Variants in ASB18 observed in about 807,000 individuals in gnomAD.
ASB18 encodes the protein ankyrin repeat and SOCS box protein 18.
ASB18 carries 33 observed loss-of-function variants against 33.4 expected under a neutral mutation model. The ratio of observed to expected loss-of-function variants is 0.99; its 90% CI spans 0.75 to 1.32. The LOEUF (loss-of-function observed/expected upper bound fraction) is 1.32. ASB18 is among the 40% of genes most tolerant of loss of function. The pLI, the probability that ASB18 is intolerant of heterozygous loss-of-function variation, is 0.00. For synonymous variants in ASB18, 295 were observed against 307.6 expected (o/e 0.96, Z 0.43); for missense variants, 694 against 655.5 (o/e 1.06, Z -0.64).
Position 236,239,873 on chromosome 2 carries a change from C to G in ASB18, c.328+1407G>C, listed in dbSNP as rs2060613365. On this transcript the variant is annotated intron_variant, in intron 2 of 5. Coordinates refer to ENST00000409749, the MANE Select transcript of ASB18 (RefSeq NM_212556.4). The surrounding 1 kb of genome is among the most constrained non-coding windows in gnomAD (Gnocchi z 5.6). ...AGTCAGGTGTCTGTGCCGGAGGAGG[C>G]TGGAATCCAGGCAGCCTGAGCTTGC... Among the ~76,000 whole-genome samples the G allele has an allele frequency of 6.6e-6, 1 of 152,222 alleles. No homozygotes were observed.
At position 236,221,766 on chromosome 2, in the gene ASB18, T is replaced by A. The variant is rs940881314; in HGVS notation, c.597-6900A>T. Among the ~76,000 whole-genome samples the A allele has an allele frequency of 6.6e-6, 1 of 152,214 alleles. No homozygotes were observed. The highest frequency in any genetic ancestry group is 1.5e-5 in the Non-Finnish European group (1 of 68,044). ...CCTGTTCTCCTTATGTGACTGCTCC[T>A]GGAATCCCTTCTGACAGACAGAAGG... On this transcript the variant is annotated intron_variant, in intron 3 of 5. Transcript: ENST00000409749. This position sits in a 1 kb window ranked among gnomAD's most constrained non-coding sequence, Gnocchi z 5.6.
intron 1 of ASB18, among the ~76,000 whole-genome samples, chr2:236,258,700 A>G (rs1163199242): frequency 2.6e-5 from 4 of 152,154 alleles, no homozygotes; most frequent in Non-Finnish European, 5.9e-5. Context: ...TAATTCTGCA[A>G]ATGGACCCCA....
chr2:236,254,975 C>T (rs926706639), intron 1 of ASB18, among the ~76,000 whole-genome samples: 5 of 151,938 alleles, frequency 3.3e-5, no homozygotes, highest in Non-Finnish European at 7.4e-5. Flanking sequence ...GTGTAGCACT[C>T]GCGACCCCAC....
Position 236,214,823 on chromosome 2 carries a change from C to G in ASB18, c.640G>C (p.Val214Leu). The change falls in exon 4 of 6, where the codon GTG becomes CTG. Residue 214 changes from valine (V) to leucine (L), a missense_variant. Transcript: ENST00000409749. This position sits in a 1 kb window ranked among gnomAD's most constrained non-coding sequence, Gnocchi z 6.5. The stretch of plus-strand genomic sequence containing the variant: ...GGCGTGTCCCGGCCCGTGCCGCCCA[C>G]GCGCTGCACCGAGGCCCCGTGCTCC... ...LLEHGASVQRVGGTGRDTPLH... is the reference protein window; with the variant it reads ...LLEHGASVQRLGGTGRDTPLH... 2 of 1,213,498 alleles carry G rather than the reference C, an allele frequency of 1.6e-6. No homozygotes were observed. Among genetic ancestry groups the G allele is most frequent in the Middle Eastern group, 3.3e-4 (1 of 3,068 alleles). 75.2% of individuals were successfully genotyped at this position (1,213,498 alleles called of 1,614,324 possible). A position where few individuals can be genotyped will look rare whatever the true frequency, so the allele number is the denominator to read the frequency against.
chr2:236,197,597 G>A (rs765189356), intron 4 of ASB18, among the ~76,000 whole-genome samples: 8 of 152,160 alleles, frequency 5.3e-5, no homozygotes, highest in Non-Finnish European at 1.2e-4. Flanking sequence ...TGAGGCAGGC[G>A]GATCACCTGA....
rs928624639 is a variant in ASB18 at position 236,196,108 on chromosome 2, C to T, written c.1215+164G>A. On this transcript the variant is annotated intron_variant, in intron 5 of 5. Coordinates refer to ENST00000409749, the MANE Select transcript of ASB18 (RefSeq NM_212556.4). The surrounding 1 kb of genome is among the most constrained non-coding windows in gnomAD (Gnocchi z 5.6). ...AGCTCCTGGCTGTGTGATTATGGAG[C>T]CTCCAGAAAAAACCAGAAACGTGCA... is the stretch of plus-strand genomic sequence containing the variant. 1 of 658,530 alleles carries T rather than the reference C, an allele frequency of 1.5e-6. No individual in the cohort carries two copies. The highest frequency in any genetic ancestry group is 2.8e-6 in the Non-Finnish European group (1 of 354,506). 40.8% of individuals were successfully genotyped at this position (658,530 alleles called of 1,614,324 possible). A position where few individuals can be genotyped will look rare whatever the true frequency, so the allele number is the denominator to read the frequency against.
rs1162559336 is a variant in ASB18, at chr2:236,231,097, C to T, written c.596+6592G>A. ...CATGCTCTTCTCTCCTCTCCTTGAGCGTGGGCAGAACCTTTGATTTGCCGC... is the reference window on the plus strand; with the variant it reads ...CATGCTCTTCTCTCCTCTCCTTGAGTGTGGGCAGAACCTTTGATTTGCCGC... On this transcript the variant is annotated intron_variant, in intron 3 of 5. Coordinates refer to ENST00000409749, the MANE Select transcript of ASB18 (RefSeq NM_212556.4). The surrounding 1 kb of genome is among the most constrained non-coding windows in gnomAD (Gnocchi z 5.5). 8.5e-5 allele frequency among the ~76,000 whole-genome samples: 13 copies of T among 152,246 alleles called. No individual in the cohort carries two copies. The South Asian group carries it at 1.9e-3, about 22-fold the overall frequency.
rs2060424736 is a variant in ASB18 at position 236,204,709 on chromosome 2, CA to C, written c.1102-8325del. On this transcript the variant is annotated intron_variant, in intron 4 of 5. Transcript: ENST00000409749. The surrounding 1 kb of genome is among the most constrained non-coding windows in gnomAD (Gnocchi z 5.1). ...TGCCACCCATAACCTGCCCCATTCCCAAGTGATAGCAAACTCATTCTTGTAG... is the reference window on the plus strand; with the variant it reads ...TGCCACCCATAACCTGCCCCATTCCCAGTGATAGCAAACTCATTCTTGTAG... Among the ~76,000 whole-genome samples the C allele has an allele frequency of 6.6e-6, 1 of 152,030 alleles. No homozygotes were observed. The highest frequency in any genetic ancestry group is 2.1e-4 in the South Asian group (1 of 4,806).
At position 236,260,179 on chromosome 2, in the gene ASB18, C is replaced by T. The variant is rs1464302573; in HGVS notation, c.205+3962G>A. On this transcript the variant is annotated intron_variant, in intron 1 of 5. Coordinates refer to ENST00000409749, the MANE Select transcript of ASB18 (RefSeq NM_212556.4). This position sits in a 1 kb window ranked among gnomAD's most constrained non-coding sequence, Gnocchi z 5.1. ...TCACATTGTCATCTTTAGAATAAAA[C>T]TCAGAGTTCTGTCTACTGGGCTTGT... Among the ~76,000 whole-genome samples, 1 of 148,100 alleles carries T rather than the reference C, an allele frequency of 6.8e-6. No homozygotes were observed. Among genetic ancestry groups the T allele is most frequent in the Admixed American group, 6.6e-5 (1 of 15,124 alleles).
In ASB18 at chr2:236,214,506, C is replaced by T. The variant is rs1469367933; in HGVS notation, c.957G>A (p.Ala319=). ...AGGCCCCGCCATAGTCGAGCGCGCC[C>T]GCGTCGGCGCCGTGCCGCAGTAGGA... ...ARLLLRHGAD[A]GALDYGGASP... Residue 319 remains alanine (A), a synonymous_variant, in exon 4 of 6, where the codon GCG becomes GCA. Coordinates refer to ENST00000409749, the MANE Select transcript of ASB18 (RefSeq NM_212556.4). The surrounding 1 kb of genome is among the most constrained non-coding windows in gnomAD (Gnocchi z 6.5). The T allele has an allele frequency of 2.0e-6, 3 of 1,477,202 alleles. No homozygotes were observed. The Admixed American group carries it at 7.3e-5, about 36-fold the overall frequency. The allele number at this position is 1,477,202 out of a possible 1,614,324, so 91.5% of individuals were successfully genotyped here. A position where few individuals can be genotyped will look rare whatever the true frequency, so the allele number is the denominator to read the frequency against.
chr2:236,238,610 G>GGTGTGTGTGTGTGTGTGTGT lies in ASB18; in HGVS notation c.329-674_329-655dup, dbSNP rs149889496. Among the ~76,000 whole-genome samples, 120 of 150,378 alleles carry GGTGTGTGTGTGTGTGTGTGT rather than the reference G, an allele frequency of 8.0e-4. No individual in the cohort carries two copies. The highest frequency in any genetic ancestry group is 3.4e-3 in the Middle Eastern group (1 of 292). The stretch of plus-strand genomic sequence containing the variant: ...GGTTTGTTTCTTTGCGCTTTTTAGG[G>GGTGTGTGTGTGTGTGTGTGT]GTGTGTGTGTGTGTGTGTGTAGGGT... On this transcript the variant is annotated intron_variant, in intron 2 of 5. Coordinates refer to ENST00000409749, the MANE Select transcript of ASB18 (RefSeq NM_212556.4). The surrounding 1 kb of genome is among the most constrained non-coding windows in gnomAD (Gnocchi z 5.2).
At position 236,244,218 on chromosome 2, in the gene ASB18, G is replaced by C. The variant is rs193203801; in HGVS notation, c.206-2816C>G. Among the ~76,000 whole-genome samples the C allele has an allele frequency of 4.1e-3, 628 of 152,332 alleles. 3 individuals are homozygous for C. The highest frequency in any genetic ancestry group is 0.014 in the African/African-American group (568 of 41,582). On this transcript the variant is annotated intron_variant, in intron 1 of 5. Coordinates refer to ENST00000409749, the MANE Select transcript of ASB18 (RefSeq NM_212556.4). The surrounding 1 kb of genome is among the most constrained non-coding windows in gnomAD (Gnocchi z 6.1). ...GGTGAGCTACAGAATTCTTTGGCCTGTGCACATGAGTTACGATACAAACTA... is the reference window on the plus strand; with the variant it reads ...GGTGAGCTACAGAATTCTTTGGCCTCTGCACATGAGTTACGATACAAACTA...
chr2:236,214,125 G>A lies in ASB18; in HGVS notation c.1101+237C>T. 1.9e-6 allele frequency: 1 copy of A among 537,464 alleles called. No individual in the cohort carries two copies. The highest frequency in any genetic ancestry group is 3.3e-6 in the Non-Finnish European group (1 of 306,758). The allele number at this position is 537,464 out of a possible 1,614,324, so 33.3% of individuals were successfully genotyped here. ...GTGGCTCTAACCAGAAGGCTTCTAG[G>A]CCCCTGTTCCTCAAAATGGGGTCCC... On this transcript the variant is annotated intron_variant, in intron 4 of 5. Coordinates refer to ENST00000409749, the MANE Select transcript of ASB18 (RefSeq NM_212556.4). The surrounding 1 kb of genome is among the most constrained non-coding windows in gnomAD (Gnocchi z 6.5).
intron 1 of ASB18, among the ~76,000 whole-genome samples, chr2:236,242,552 T>C (rs2060625786): frequency 6.6e-6 from 1 of 152,170 alleles, no homozygotes; most frequent in Non-Finnish European, 1.5e-5. Flanking sequence ...CCTCCTGGGT[T>C]CAAGTGATTC....
intron 1 of ASB18, among the ~76,000 whole-genome samples, chr2:236,247,054 A>G (rs1404511197): frequency 6.6e-6 from 1 of 151,344 alleles, no homozygotes; most frequent in African/African-American, 2.4e-5. Flanking sequence ...TTCCAGTATT[A>G]TTTGTCAACA....
Position 236,237,731 on chromosome 2 carries a change from C to T in ASB18, c.554G>A (p.Gly185Asp). The T allele has an allele frequency of 1.4e-6, 2 of 1,460,630 alleles. No individual in the cohort carries two copies. Among genetic ancestry groups the T allele is most frequent in the Non-Finnish European group, 1.8e-6 (2 of 1,112,124 alleles). The allele number at this position is 1,460,630 out of a possible 1,614,324, so 90.5% of individuals were successfully genotyped here. A position where few individuals can be genotyped will look rare whatever the true frequency, so the allele number is the denominator to read the frequency against. The change falls in exon 3 of 6, where the codon GGC (glycine) becomes GAC (aspartate). Residue 185 changes from glycine to aspartate, a missense_variant. Gly to Asp is a moderately conservative substitution (Grantham distance 94, BLOSUM62 -1). Coordinates refer to ENST00000409749, the MANE Select transcript of ASB18 (RefSeq NM_212556.4). This position sits in a 1 kb window ranked among gnomAD's most constrained non-coding sequence, Gnocchi z 6.2. ...GCGGCAGAGGTGCAGAGGCGCCAGG[C>T]CCTCGGCGCTGAGCAGGTCGGGGTC... Reference protein sequence around the residue: ...RADPDLLSAEGLAPLHLCRTA... With the variant: ...RADPDLLSAEDLAPLHLCRTA...
chr2:236,194,079 G>C lies in ASB18; in HGVS notation c.*793C>G, dbSNP rs935698389. Among the ~76,000 whole-genome samples the C allele has an allele frequency of 3.9e-5, 6 of 152,078 alleles. No homozygotes were observed. Among genetic ancestry groups the C allele is most frequent in the African/African-American group, 1.2e-4 (5 of 41,390 alleles). Reference sequence around the variant, plus strand: ...TAAGCACATTAGAATATGAATGAATGAATGAATGAATGAATACAAATTATT... The same window carrying C: ...TAAGCACATTAGAATATGAATGAATCAATGAATGAATGAATACAAATTATT... On this transcript the variant is annotated 3_prime_UTR_variant, in exon 6 of 6. Coordinates refer to ENST00000409749, the MANE Select transcript of ASB18 (RefSeq NM_212556.4). The surrounding 1 kb of genome is among the most constrained non-coding windows in gnomAD (Gnocchi z 4.5).
At chr2:236,218,398 G>T (rs906200468) in intron 3 of ASB18, among the ~76,000 whole-genome samples, 1 of 152,190 alleles carries the variant, frequency 6.6e-6, no homozygotes, top group Non-Finnish European at 1.5e-5. Flanking sequence ...CTATTTAATG[G>T]CATGGAAATA....
In ASB18 at chr2:236,259,780, C is replaced by A. The variant is rs1178212570; in HGVS notation, c.205+4361G>T. Among the ~76,000 whole-genome samples, 1 of 152,214 alleles carries A rather than the reference C, an allele frequency of 6.6e-6. No homozygotes were observed. The highest frequency in any genetic ancestry group is 6.5e-5 in the Admixed American group (1 of 15,282). ...GGCCAGTTGCCTGTTTAAGAGAATT[C>A]TGACTGATGGCCATTCTCCTGCCTA... On this transcript the variant is annotated intron_variant, in intron 1 of 5. Coordinates refer to ENST00000409749, the MANE Select transcript of ASB18 (RefSeq NM_212556.4). This position sits in a 1 kb window ranked among gnomAD's most constrained non-coding sequence, Gnocchi z 4.4.
Sources: gnomAD v4.1 joint callset for allele counts (sites outside exome capture counted in the v4.1 genomes callset) on GRCh38, gnomAD v4.1.1 for gene constraint, Gnocchi (gnomAD v3.1) non-coding constraint, MANE v1.5 for transcripts, NCBI Gene and HGNC (gene_info 2026-07-23, HGNC 2026-07-21) for gene names.